Variants in TNKS observed in about 807,000 individuals in gnomAD.
The protein encoded by TNKS is poly [ADP-ribose] polymerase tankyrase-1.
TNKS carries 72 observed loss-of-function variants against 135.8 expected under a neutral mutation model. That is an observed-to-expected ratio of 0.53 (90% CI 0.44 to 0.64). TNKS has a LOEUF of 0.64. TNKS is among the 30% of genes least tolerant of loss of function. TNKS has a pLI of 0.00. For missense variants in TNKS, 1,769 were observed against 1,674.0 expected, an observed-to-expected ratio of 1.06 and a Z score of -0.99; for synonymous variants, 849 against 649.3, an observed-to-expected ratio of 1.31 and a Z score of -4.68.
chr8:9,693,890 T>C (rs1395324777), intron 5 of TNKS, among the ~76,000 whole-genome samples: 1 of 152,098 alleles, frequency 6.6e-6, no homozygotes, highest in Non-Finnish European at 1.5e-5. Flanking sequence ...CTGGCTAAGG[T>C]AGGGTGACCA....
chr8:9,726,727 C>T lies in TNKS; in HGVS notation c.2001+7C>T, dbSNP rs764450941. ...AGACTTGGAAACTGTGAAGGTAAGT[C>T]AGTGCCCTTAATATCTGGAATAGCA... On this transcript the variant is annotated splice_region_variant and intron_variant, in intron 13 of 26. Coordinates refer to ENST00000310430, the MANE Select transcript of TNKS (RefSeq NM_003747.3). 6.2e-6 allele frequency: 10 copies of T among 1,608,946 alleles called. No individual in the cohort carries two copies. In the African/African-American group the frequency reaches 1.1e-4, roughly 17 times the overall value.
intron 5 of TNKS, among the ~76,000 whole-genome samples, chr8:9,698,257 C>T (rs760293604): frequency 2.7e-4 from 41 of 151,262 alleles, no homozygotes; most frequent in Admixed American, 4.6e-4. Flanking sequence ...CTAGAGCGGG[C>T]AGCACAGGTT....
At chr8:9,614,447 G>A (rs1799566912) in intron 2 of TNKS, among the ~76,000 whole-genome samples, 1 of 152,166 alleles carries the variant, frequency 6.6e-6, no homozygotes, top group Non-Finnish European at 1.5e-5. Context: ...CTGTGTCCTA[G>A]TTCTGGATAA....
chr8:9,703,247 G>A lies in TNKS; in HGVS notation c.1108-1416G>A, dbSNP rs531518010. Among the ~76,000 whole-genome samples, 3 of 152,226 alleles carry A rather than the reference G, an allele frequency of 2.0e-5. No individual in the cohort carries two copies. In the East Asian group the frequency reaches 5.8e-4, roughly 29 times the overall value. On this transcript the variant is annotated intron_variant, in intron 5 of 26. Transcript: ENST00000310430. ...GGAGGAAGGGATGATTCCCATCCAA[G>A]GTGGCACAAAGTGGGCAGATTTCAT...
chr8:9,599,900 C>G (rs953937380), intron 2 of TNKS, among the ~76,000 whole-genome samples: 1 of 152,020 alleles, frequency 6.6e-6, no homozygotes, highest in Admixed American at 6.6e-5. Context: ...CAGAGTTTGT[C>G]CATAAAGATT....
At chr8:9,694,148 T>A (rs563160514) in intron 5 of TNKS, among the ~76,000 whole-genome samples, 1 of 152,340 alleles carries the variant, frequency 6.6e-6, no homozygotes, top group African/African-American at 2.4e-5. Context: ...CACATGCTTG[T>A]ATTGAAGTGT....
intron 3 of TNKS, among the ~76,000 whole-genome samples, chr8:9,662,856 T>C (rs1288878937): frequency 6.6e-6 from 1 of 152,206 alleles, no homozygotes; most frequent in East Asian, 1.9e-4. Flanking sequence ...TTACTAGTTG[T>C]GGTAGGCAGA....
chr8:9,704,140 C>T (rs1200685761), intron 5 of TNKS, among the ~76,000 whole-genome samples: 1 of 152,128 alleles, frequency 6.6e-6, no homozygotes, highest in Non-Finnish European at 1.5e-5. Context: ...ATGAATAAGG[C>T]CCATTGTCCT....
intron 5 of TNKS, among the ~76,000 whole-genome samples, chr8:9,685,495 A>G (rs1050545008): frequency 6.6e-6 from 1 of 152,188 alleles, no homozygotes; most frequent in Non-Finnish European, 1.5e-5. Context: ...AAACTTTCAA[A>G]TGTATCTAGA....
intron 3 of TNKS, among the ~76,000 whole-genome samples, chr8:9,624,196 G>T (rs953568519): frequency 6.6e-6 from 1 of 152,100 alleles, no homozygotes; most frequent in Non-Finnish European, 1.5e-5. Context: ...TACTCTGAGA[G>T]CAGCTGTCAT....
At chr8:9,564,456 T>A (rs1797449837) in intron 1 of TNKS, among the ~76,000 whole-genome samples, 1 of 152,230 alleles carries the variant, frequency 6.6e-6, no homozygotes, top group African/African-American at 2.4e-5. Context: ...AATTTTATTG[T>A]AATGTTAGGT....
rs139617071 is a variant in TNKS, at chr8:9,610,695, T to G, written c.899-4887T>G. ...ATCTCTTTATTCTTAAAGCATTAGATGCTTATAATTTTAAAGTAAAAACTT... is the reference window on the plus strand; with the variant it reads ...ATCTCTTTATTCTTAAAGCATTAGAGGCTTATAATTTTAAAGTAAAAACTT... On this transcript the variant is annotated intron_variant, in intron 2 of 26. Coordinates refer to ENST00000310430, the MANE Select transcript of TNKS (RefSeq NM_003747.3). Among the ~76,000 whole-genome samples the G allele has an allele frequency of 3.5e-3, 526 of 152,302 alleles. 3 individuals are homozygous for G. The highest frequency in any genetic ancestry group is 0.012 in the African/African-American group (489 of 41,564).
rs766785455 is a variant in TNKS, at chr8:9,556,587, G to A, written c.648G>A (p.Lys216=). The A allele has an allele frequency of 2.0e-5, 33 of 1,613,832 alleles. No homozygotes were observed. The highest frequency in any genetic ancestry group is 4.4e-5 in the South Asian group (4 of 91,084). Residue 216 remains lysine (K), a synonymous_variant, in exon 1 of 27, where the codon AAG becomes AAA. Coordinates refer to ENST00000310430, the MANE Select transcript of TNKS (RefSeq NM_003747.3). ...NVNAKDMAGR[K]SSPLHFAAGF... The stretch of plus-strand genomic sequence containing the variant: ...ATGCAAAGGACATGGCCGGCCGGAA[G>A]TCTTCTCCCCTGCACTTCGCTGCAG...
intron 3 of TNKS, among the ~76,000 whole-genome samples, chr8:9,646,729 C>G (rs1173677152): frequency 6.6e-6 from 1 of 152,088 alleles, no homozygotes; most frequent in Non-Finnish European, 1.5e-5. Flanking sequence ...CTCATTCATG[C>G]TTACATAGGT....
At chr8:9,696,013 T>C (rs545229834) in intron 5 of TNKS, among the ~76,000 whole-genome samples, 3 of 152,224 alleles carry the variant, frequency 2.0e-5, no homozygotes, top group South Asian at 2.1e-4. Flanking sequence ...ACATAGGCAG[T>C]TGGATTATAG....
rs368780658 is a variant in TNKS at position 9,726,720 on chromosome 8, G to A, written c.2001G>A (p.Lys667=). The change falls in exon 13 of 27, where the codon AAG becomes AAA. Residue 667 remains lysine (K), a splice_region_variant and synonymous_variant. Transcript: ENST00000310430. ...ASKAGDLETV[K]QLCSSQNVNC... ...AAGCTGGAGACTTGGAAACTGTGAA[G>A]GTAAGTCAGTGCCCTTAATATCTGG... The A allele has an allele frequency of 3.7e-6, 6 of 1,611,586 alleles. No individual in the cohort carries two copies. The highest frequency in any genetic ancestry group is 4.2e-6 in the Non-Finnish European group (5 of 1,178,834).
intron 3 of TNKS, among the ~76,000 whole-genome samples, chr8:9,645,904 C>T (rs974935364): frequency 1.3e-5 from 2 of 152,090 alleles, no homozygotes; most frequent in Non-Finnish European, 2.9e-5. Flanking sequence ...TATTTAAATT[C>T]ACATTGTTTC....
intron 1 of TNKS, chr8:9,556,854 A>C: frequency 1.7e-6 from 1 of 581,036 alleles, no homozygotes; most frequent in Non-Finnish European, 3.1e-6. Flanking sequence ...TACAAAACTC[A>C]CTGTAGTTGG....
At chr8:9,760,448 T>C (rs962326545) in intron 20 of TNKS, among the ~76,000 whole-genome samples, 15 of 152,218 alleles carry the variant, frequency 9.9e-5, no homozygotes, top group African/African-American at 3.6e-4. Context: ...CCAGGCCTAA[T>C]TTGTCAGTTT....
Sources: allele counts gnomAD v4.1 joint callset (sites outside exome capture counted in the v4.1 genomes callset), GRCh38; gene constraint gnomAD v4.1.1; transcripts MANE v1.5; gene names NCBI Gene and HGNC (gene_info 2026-07-23, HGNC 2026-07-21).